EZR: variants seen among roughly 807,000 people sequenced by gnomAD.
EZR encodes ezrin, also known as cytovillin 2.
In EZR, 40 loss-of-function variants were observed where a neutral mutation model predicts 74.8. The observed-to-expected ratio is 0.53, with a 90% confidence interval of 0.42 to 0.70. The LOEUF is 0.70. Ranked by LOEUF, EZR falls within the 30% of genes least tolerant of loss-of-function variation. The probability of loss-of-function intolerance (pLI) is 0.00; values close to 1 mark genes in which losing one functional copy is unlikely to be tolerated. For missense variants in EZR, 678 were observed against 755.8 expected (o/e 0.90, Z 1.21); for synonymous variants, 341 against 283.3 (o/e 1.20, Z -2.05).
At chr6:158,784,771 G>GACAGGCAAGGAAGGAGGCCCACTT in intron 5 of EZR, 44 bp from the exon 6 acceptor site, 1 of 1,569,020 alleles carries the variant, frequency 6.4e-7, no homozygotes, top group Non-Finnish European at 8.8e-7. Context: ...TAAGGAATGT[G>GACAGGCAAGGAAGGAGGCCCACTT]ACAGGCAAGG....
chr6:158,812,325 G>A (rs1487091982), intron 2 of EZR, among the ~76,000 whole-genome samples: 7 of 152,102 alleles, frequency 4.6e-5, no homozygotes, highest in Non-Finnish European at 1.0e-4. Context: ...TTGGGGTGCA[G>A]GAGAAAGGAA....
intron 2 of EZR, among the ~76,000 whole-genome samples, chr6:158,804,385 T>C (rs1777283627): frequency 6.6e-6 from 1 of 152,102 alleles, no homozygotes; most frequent in South Asian, 2.1e-4. Context: ...GCAGGCAAAA[T>C]AAAGAGAAAG....
chr6:158,768,518 G>A (rs1790990588), intron 12 of EZR, among the ~76,000 whole-genome samples: 1 of 152,156 alleles, frequency 6.6e-6, no homozygotes, highest in African/African-American at 2.4e-5. Flanking sequence ...CACAGATGGA[G>A]AAGCCACAGT....
intron 1 of EZR, among the ~76,000 whole-genome samples, chr6:158,818,681 G>T (rs2128578990): frequency 6.6e-6 from 1 of 151,672 alleles, no homozygotes; most frequent in South Asian, 2.1e-4. Flanking sequence ...GGGGGCGCGG[G>T]CCCAGGGATA....
At position 158,791,937 on chromosome 6, in the gene EZR, T is replaced by TG. The variant is rs1208368597; in HGVS notation, c.13-2567dup. On this transcript the variant is annotated intron_variant, in intron 2 of 13. Coordinates refer to ENST00000367075, the MANE Select transcript of EZR (RefSeq NM_001111077.2). ...GTTAGCCAGGATGGTCTCAATCTCC[T>TG]GATCTTGTCATCTGCCTGCCTCGGC... 3.9e-5 allele frequency among the ~76,000 whole-genome samples: 6 copies of TG among 152,132 alleles called. No individual in the cohort carries two copies. The East Asian group carries it at 1.2e-3, about 30-fold the overall frequency.
chr6:158,778,696 C>A (rs1467411489), intron 7 of EZR, among the ~76,000 whole-genome samples: 1 of 152,114 alleles, frequency 6.6e-6, no homozygotes, highest in African/African-American at 2.4e-5. Flanking sequence ...AAAGGATGAA[C>A]CTGGTGCATC....
intron 2 of EZR, among the ~76,000 whole-genome samples, chr6:158,792,218 T>C (rs1038200130): frequency 6.6e-6 from 1 of 152,066 alleles, no homozygotes; most frequent in African/African-American, 2.4e-5. Context: ...AGCAATTAAC[T>C]TGTTTTCTTT....
At chr6:158,770,329 A>C (rs922292083) in intron 10 of EZR, among the ~76,000 whole-genome samples, 3 of 152,260 alleles carry the variant, frequency 2.0e-5, no homozygotes, top group South Asian at 2.1e-4. Context: ...CGCCTTGTGT[A>C]ATCGGCCCAG....
At chr6:158,795,286 T>C (rs1237090347) in intron 2 of EZR, among the ~76,000 whole-genome samples, 2 of 151,704 alleles carry the variant, frequency 1.3e-5, no homozygotes, top group Non-Finnish European at 2.9e-5. Flanking sequence ...AATAATTCTA[T>C]TTGTTGGCCA....
chr6:158,781,937 T>A (rs1294071356), intron 7 of EZR, among the ~76,000 whole-genome samples: 1 of 151,386 alleles, frequency 6.6e-6, no homozygotes, highest in Non-Finnish European at 1.5e-5. Flanking sequence ...TTTTTTAAAT[T>A]TTGGTAGAGA....
intron 12 of EZR, 35 bp from the exon 13 acceptor site, chr6:158,767,547 C>T (rs1229767708): frequency 1.3e-6 from 2 of 1,541,112 alleles, no homozygotes; most frequent in Non-Finnish European, 8.7e-7. Flanking sequence ...GACTTCTCAC[C>T]CAGAAGTCCT....
At chr6:158,811,350 TA>T (rs1777447568) in intron 2 of EZR, among the ~76,000 whole-genome samples, 1 of 150,326 alleles carries the variant, frequency 6.7e-6, no homozygotes, top group African/African-American at 2.5e-5. Flanking sequence ...CTGAAACATC[TA>T]ACTACCATTA....
At chr6:158,782,107 G>A (rs552310333) in intron 7 of EZR, among the ~76,000 whole-genome samples, 1 of 152,236 alleles carries the variant, frequency 6.6e-6, no homozygotes, top group African/African-American at 2.4e-5. Context: ...TGGAGTAGGA[G>A]CGAACCGAGA....
chr6:158,818,639 G>A (rs1036897640), intron 1 of EZR, among the ~76,000 whole-genome samples: 17 of 150,196 alleles, frequency 1.1e-4, no homozygotes, highest in Admixed American at 1.3e-4. Flanking sequence ...GGGGACACTC[G>A]AGGTGCACCC....
chr6:158,818,690 T>G (rs1777621772), intron 1 of EZR, among the ~76,000 whole-genome samples: 1 of 138,856 alleles, frequency 7.2e-6, no homozygotes, highest in African/African-American at 2.7e-5. Flanking sequence ...GGCCCAGGGA[T>G]ACCCGGCGGG....
At position 158,766,162 on chromosome 6, in the gene EZR, G is replaced by A. The variant is rs997929012; in HGVS notation, c.*752C>T. 2 of 152,492 alleles carry A rather than the reference G, an allele frequency of 1.3e-5. No individual in the cohort carries two copies. The highest frequency in any genetic ancestry group is 1.5e-5 in the Non-Finnish European group (1 of 68,018). The allele number at this position is 152,492 out of a possible 1,614,324, so 9.4% of individuals were successfully genotyped here. A position where few individuals can be genotyped will look rare whatever the true frequency, so the allele number is the denominator to read the frequency against. ...TATGTAATTCTTTTATTCTGTAAAA[G>A]GTAACAAAATATACAGAACAAAACT... On this transcript the variant is annotated 3_prime_UTR_variant, in exon 14 of 14. Coordinates refer to ENST00000367075, the MANE Select transcript of EZR (RefSeq NM_001111077.2).
intron 7 of EZR, 31 bp from the exon 8 acceptor site, chr6:158,776,535 G>A: frequency 6.8e-7 from 1 of 1,475,086 alleles, no homozygotes; most frequent in African/African-American, 1.4e-5. Context: ...TGGATGGTTA[G>A]ATGTATACAT....
rs1242119188 is a variant in EZR at position 158,769,960 on chromosome 6, G to A, written c.1091-16C>T. On this transcript the variant is annotated splice_polypyrimidine_tract_variant and intron_variant, in intron 10 of 13. Transcript: ENST00000367075. ...TCCGAGAGCTCTGCAAAGACACAAA[G>A]CCAGAGCCATTCAAACCCTCAGCCC... The A allele has an allele frequency of 2.5e-6, 4 of 1,606,954 alleles. No homozygotes were observed. The South Asian group carries it at 3.3e-5, about 13-fold the overall frequency.
At chr6:158,784,891 C>G (rs145192714) in intron 5 of EZR, among the ~76,000 whole-genome samples, 164 bp from the exon 6 acceptor site, 10 of 152,316 alleles carry the variant, frequency 6.6e-5, no homozygotes, top group Non-Finnish European at 1.5e-4. Flanking sequence ...CTATTTATGA[C>G]AGTTAATCTG....
Sources: gnomAD v4.1 joint callset for allele counts (sites outside exome capture counted in the v4.1 genomes callset) on GRCh38, gnomAD v4.1.1 for gene constraint, MANE v1.5 for transcripts, NCBI Gene and HGNC (gene_info 2026-07-23, HGNC 2026-07-21) for gene names.